The following DCC variants were observed in gnomAD, a reference collection of about 807,000 sequenced individuals.
The protein encoded by DCC is DCC netrin 1 receptor, also known as netrin receptor DCC.
A neutral mutation model predicts 172.5 loss-of-function variants in DCC; 58 were observed. That is an observed-to-expected ratio of 0.34 (90% CI 0.27 to 0.42). DCC has a LOEUF of 0.42. Among genes scored for constraint, DCC ranks in the 10% least tolerant of loss-of-function variants. The pLI is 1.00. For synonymous variants in DCC, 709 were observed against 644.5 expected, an observed-to-expected ratio of 1.10 and a Z score of -1.52; for missense variants, 1,740 against 1,791.0, an observed-to-expected ratio of 0.97 and a Z score of 0.51.
chr18:52,654,512 C>A (rs2035206911), intron 1 of DCC, among the ~76,000 whole-genome samples: 1 of 152,126 alleles, frequency 6.6e-6, no homozygotes, highest in Non-Finnish European at 1.5e-5. Flanking sequence ...TTAGTTTCTT[C>A]TGAGGCCTCT....
intron 1 of DCC, among the ~76,000 whole-genome samples, chr18:52,491,865 G>T (rs1430379702): frequency 1.3e-5 from 2 of 151,974 alleles, no homozygotes; most frequent in Non-Finnish European, 2.9e-5. Context: ...GGATGTTTGG[G>T]GTGTATCTGA....
chr18:52,717,430 CTTT>C (rs59202776), intron 1 of DCC, among the ~76,000 whole-genome samples: 3 of 123,414 alleles, frequency 2.4e-5, no homozygotes, highest in South Asian at 2.6e-4. Flanking sequence ...TTCTAAATTT[CTTT>C]TTTTTTTTTT....
At chr18:52,817,824 T>G (rs968689527) in intron 2 of DCC, among the ~76,000 whole-genome samples, 5 of 152,102 alleles carry the variant, frequency 3.3e-5, no homozygotes, top group Non-Finnish European at 7.4e-5. Context: ...TGTGTATAAT[T>G]TATGTGAATA....
chr18:52,426,611 C>T (rs757100128), intron 1 of DCC, among the ~76,000 whole-genome samples: 1 of 151,568 alleles, frequency 6.6e-6, no homozygotes, highest in Non-Finnish European at 1.5e-5. Context: ...GTTTAATAGG[C>T]CTGATATTGC....
chr18:52,711,979 T>TC (rs1346572325), intron 1 of DCC, among the ~76,000 whole-genome samples: 2 of 152,090 alleles, frequency 1.3e-5, no homozygotes, highest in Non-Finnish European at 2.9e-5. Context: ...TTTTTTTTTT[T>TC]TGAGACGGAG....
intron 1 of DCC, among the ~76,000 whole-genome samples, chr18:52,723,851 TA>T (rs1248190740): frequency 1.3e-5 from 2 of 151,938 alleles, no homozygotes; most frequent in Admixed American, 6.6e-5. Context: ...AAGGCGAGCC[TA>T]AGCTGACCCT....
chr18:53,132,143 CA>C (rs2144322692), intron 7 of DCC, among the ~76,000 whole-genome samples: 1 of 151,776 alleles, frequency 6.6e-6, no homozygotes, highest in Non-Finnish European at 1.5e-5. Flanking sequence ...CACCAACTGC[CA>C]AATTTGAGGA....
chr18:52,787,985 C>T (rs2037690331), intron 2 of DCC, among the ~76,000 whole-genome samples: 1 of 152,024 alleles, frequency 6.6e-6, no homozygotes, highest in Admixed American at 6.6e-5. Context: ...CTGTACAAGC[C>T]TTTTATAACT....
chr18:52,598,630 T>C (rs954215058), intron 1 of DCC, among the ~76,000 whole-genome samples: 1 of 152,236 alleles, frequency 6.6e-6, no homozygotes, highest in Non-Finnish European at 1.5e-5. Context: ...GCTCTATTCT[T>C]CTGCGGATCA....
At chr18:53,353,323 A>G (rs2057834239) in intron 15 of DCC, among the ~76,000 whole-genome samples, 3 of 151,812 alleles carry the variant, frequency 2.0e-5, no homozygotes, top group South Asian at 4.2e-4. Context: ...AGCCAATTCT[A>G]TTTTTTTAAA....
In DCC at chr18:53,520,867, C is replaced by T. The variant is rs2046391726; in HGVS notation, c.4112-5750C>T. Among the ~76,000 whole-genome samples, 4 of 151,998 alleles carry T rather than the reference C, an allele frequency of 2.6e-5. No individual in the cohort carries two copies. In the South Asian group the frequency reaches 6.2e-4, roughly 24 times the overall value. ...TGGGAAATTTCCCTCATACTCTTTCCTTTAATTGCCCTTTCAAGGAAAGGA... is the reference window on the plus strand; with the variant it reads ...TGGGAAATTTCCCTCATACTCTTTCTTTTAATTGCCCTTTCAAGGAAAGGA... On this transcript the variant is annotated intron_variant, in intron 27 of 28. Coordinates refer to ENST00000442544, the MANE Select transcript of DCC (RefSeq NM_005215.4).
intron 1 of DCC, among the ~76,000 whole-genome samples, chr18:52,545,395 T>C (rs1207153824): frequency 1.3e-5 from 2 of 152,194 alleles, no homozygotes; most frequent in African/African-American, 2.4e-5. Flanking sequence ...GTTCTCTTGG[T>C]TGGTCACTCC....
chr18:52,850,613 T>A (rs1227247741), intron 2 of DCC, among the ~76,000 whole-genome samples: 2 of 152,104 alleles, frequency 1.3e-5, no homozygotes, highest in African/African-American at 4.8e-5. Context: ...AATGCCTCCT[T>A]GACAGTTTTT....
intron 1 of DCC, among the ~76,000 whole-genome samples, chr18:52,348,495 C>T (rs1172338095): frequency 6.6e-6 from 1 of 152,236 alleles, no homozygotes; most frequent in Non-Finnish European, 1.5e-5. Flanking sequence ...TTGCCCGCAT[C>T]TGGTAACTTC....
chr18:52,859,770 G>A (rs1428823101), intron 2 of DCC, among the ~76,000 whole-genome samples: 1 of 152,066 alleles, frequency 6.6e-6, no homozygotes, highest in Non-Finnish European at 1.5e-5. Flanking sequence ...CTCAAAACAG[G>A]CCAAAGTATA....
chr18:52,837,031 G>A (rs919631932), intron 2 of DCC, among the ~76,000 whole-genome samples: 3 of 152,178 alleles, frequency 2.0e-5, no homozygotes, highest in African/African-American at 7.2e-5. Context: ...GCCAAGGCTT[G>A]GGGCTTGCAT....
In DCC at chr18:53,535,555, TTAAC is replaced by T. The variant is rs2046565905; in HGVS notation, c.*4905_*4908del. Reference sequence around the variant, plus strand: ...TGGTAGAAATGGGTATACTACAGCTTTAACTAGCCTTAGTGAGAAAAGAAATTTT... The same window carrying T: ...TGGTAGAAATGGGTATACTACAGCTTTAGCCTTAGTGAGAAAAGAAATTTT... On this transcript the variant is annotated 3_prime_UTR_variant, in exon 29 of 29. Coordinates refer to ENST00000442544, the MANE Select transcript of DCC (RefSeq NM_005215.4). The T allele has an allele frequency of 6.6e-6, 1 of 152,248 alleles. No homozygotes were observed. The highest frequency in any genetic ancestry group is 1.9e-4 in the East Asian group (1 of 5,202). 9.4% of individuals were successfully genotyped at this position (152,248 alleles called of 1,614,324 possible).
intron 5 of DCC, among the ~76,000 whole-genome samples, chr18:52,986,300 A>C (rs1380611086): frequency 6.6e-6 from 1 of 152,180 alleles, no homozygotes; most frequent in Non-Finnish European, 1.5e-5. Flanking sequence ...TTTAGGAATT[A>C]GGAGAAATCT....
intron 1 of DCC, among the ~76,000 whole-genome samples, chr18:52,387,989 C>T (rs1985881969): frequency 1.3e-5 from 2 of 152,054 alleles, no homozygotes; most frequent in Non-Finnish European, 2.9e-5. Context: ...GGGTGTTCTT[C>T]AGCATGGCAC....
Sources: allele counts gnomAD v4.1 joint callset (sites outside exome capture counted in the v4.1 genomes callset), GRCh38; gene constraint gnomAD v4.1.1; transcripts MANE v1.5; gene names NCBI Gene and HGNC (gene_info 2026-07-23, HGNC 2026-07-21).